Variants in ZNRF3 observed in about 807,000 individuals in gnomAD.
The protein encoded by ZNRF3 is zinc and ring finger 3, also known as E3 ubiquitin-protein ligase ZNRF3.
In ZNRF3, 23 loss-of-function variants were observed where a neutral mutation model predicts 72.5. The observed-to-expected ratio is 0.32, with a 90% CI of 0.23 to 0.45. The LOEUF is 0.45. Ranked by LOEUF, ZNRF3 falls within the 20% of genes least tolerant of loss-of-function variation. ZNRF3 has a pLI of 1.00. For synonymous variants in ZNRF3, 610 were observed against 545.3 expected (o/e 1.12, Z -1.65); for missense variants, 1,169 against 1,272.1 (o/e 0.92, Z 1.23).
intron 1 of ZNRF3, among the ~76,000 whole-genome samples, chr22:28,979,232 T>C (rs1601623813): frequency 6.6e-6 from 1 of 152,262 alleles, no homozygotes; most frequent in East Asian, 1.9e-4. Flanking sequence ...TGGGAGTCCC[T>C]GTGCTTGGAT....
At chr22:28,921,429 CCTTGCCT>C (rs1171717856) in intron 1 of ZNRF3, among the ~76,000 whole-genome samples, 1 of 152,200 alleles carries the variant, frequency 6.6e-6, no homozygotes, top group African/African-American at 2.4e-5. Context: ...CCACAGAGCC[CCTTGCCT>C]CTAGTCAAAG....
At chr22:29,052,821 TA>T (rs900019561) in intron 8 of ZNRF3, among the ~76,000 whole-genome samples, 180 of 149,734 alleles carry the variant, frequency 1.2e-3, no homozygotes, top group Non-Finnish European at 2.0e-3. Context: ...AAAAAAAATT[TA>T]AAAAAAAATT....
At chr22:28,993,066 G>T (rs574342050) in intron 2 of ZNRF3, 1 of 152,378 alleles carries the variant, frequency 6.6e-6, no homozygotes, top group South Asian at 2.1e-4. Flanking sequence ...AAAGAGTTTG[G>T]TCTTCATTCT....
chr22:29,043,378 T>C lies in ZNRF3; in HGVS notation c.581T>C (p.Ile194Thr). ...KGADAIKLMN[I>T]VNKQKVARAR... The stretch of plus-strand genomic sequence containing the variant: ...GCAGATGCCATTAAGCTGATGAACA[T>C]CGTCAACAAGCAGAAAGTGGCTCGA... The change falls in exon 4 of 9, where the codon ATC becomes ACC. Residue 194 changes from isoleucine to threonine, a missense_variant. Transcript: ENST00000544604. 1 of 1,613,832 alleles carries C rather than the reference T, an allele frequency of 6.2e-7. No individual in the cohort carries two copies. The highest frequency in any genetic ancestry group is 8.5e-7 in the Non-Finnish European group (1 of 1,179,984).
At chr22:29,020,271 T>C (rs1310815912) in intron 2 of ZNRF3, among the ~76,000 whole-genome samples, 3 of 146,772 alleles carry the variant, frequency 2.0e-5, no homozygotes, top group Non-Finnish European at 3.0e-5. Flanking sequence ...TTTTTTTTTT[T>C]TTCCCCCAAG....
At chr22:28,951,188 A>G (rs2123794939) in intron 1 of ZNRF3, among the ~76,000 whole-genome samples, 1 of 152,296 alleles carries the variant, frequency 6.6e-6, no homozygotes, top group Non-Finnish European at 1.5e-5. Context: ...TTTTTCAACC[A>G]CTAGTGGTTC....
intron 2 of ZNRF3, among the ~76,000 whole-genome samples, chr22:29,010,267 C>T (rs947685058): frequency 6.6e-6 from 1 of 152,086 alleles, no homozygotes; most frequent in Admixed American, 6.6e-5. Flanking sequence ...TTCTGCCTCC[C>T]CACAGCCCCT....
At chr22:28,913,329 C>CT (rs2034352171) in intron 1 of ZNRF3, among the ~76,000 whole-genome samples, 1 of 152,160 alleles carries the variant, frequency 6.6e-6, no homozygotes, top group Non-Finnish European at 1.5e-5. Flanking sequence ...GAAGAGCGGT[C>CT]TTTCACTTTA....
chr22:29,044,137 TACA>T (rs1216349016), intron 4 of ZNRF3, among the ~76,000 whole-genome samples: 3 of 152,218 alleles, frequency 2.0e-5, no homozygotes, highest in Non-Finnish European at 4.4e-5. Context: ...CATAGCCGGT[TACA>T]TGCAGCTTCC....
intron 2 of ZNRF3, among the ~76,000 whole-genome samples, chr22:29,020,906 C>T (rs2036527338): frequency 6.6e-6 from 1 of 151,656 alleles, no homozygotes. Context: ...ACGCCATTCT[C>T]CTGCCTCAGC....
intron 1 of ZNRF3, among the ~76,000 whole-genome samples, chr22:28,921,449 C>G (rs763715161): frequency 1.3e-5 from 2 of 152,214 alleles, no homozygotes; most frequent in Non-Finnish European, 2.9e-5. Flanking sequence ...AGTCAAAGGG[C>G]TCCTCCGAAT....
intron 1 of ZNRF3, among the ~76,000 whole-genome samples, chr22:28,900,664 A>G (rs132529): frequency 0.55 from 83,403 of 152,074 alleles, 26,006 homozygotes; most frequent in Non-Finnish European, 0.7. Context: ...TCATCACACA[A>G]AAAAAGTAAA....
chr22:28,925,040 A>G (rs1387368369), intron 1 of ZNRF3, among the ~76,000 whole-genome samples: 1 of 152,198 alleles, frequency 6.6e-6, no homozygotes, highest in Non-Finnish European at 1.5e-5. Flanking sequence ...TGCCTTTAGT[A>G]GTTGATCAGT....
At position 29,049,343 on chromosome 22, in the gene ZNRF3, G is replaced by A. The variant is rs754168841; in HGVS notation, c.1162G>A (p.Asp388Asn). The change falls in exon 8 of 9, where the codon GAC becomes AAC. Residue 388 changes from aspartate to asparagine, a missense_variant. Asp to Asn is a conservative substitution (Grantham distance 23, BLOSUM62 1). Around this residue, in one of 2 missense-constraint regions of ZNRF3, gnomAD observed 386 missense variants for 540.7 expected, o/e 0.71. Coordinates refer to ENST00000544604, the MANE Select transcript of ZNRF3 (RefSeq NM_001206998.2). This position sits in a 1 kb window ranked among gnomAD's most constrained non-coding sequence, Gnocchi z 5.2. Reference protein sequence around the residue: ...IPAYPTRTSMDSHGNPVTLLT... With the variant: ...IPAYPTRTSMNSHGNPVTLLT... Reference sequence around the variant, plus strand: ...AGCCTACCCTACGAGGACAAGCATGGACTCCCACGGCAACCCCGTCACCTT... The same window carrying A: ...AGCCTACCCTACGAGGACAAGCATGAACTCCCACGGCAACCCCGTCACCTT... 5.0e-6 allele frequency: 8 copies of A among 1,613,578 alleles called. No homozygotes were observed. In the Admixed American group the frequency reaches 1.2e-4, roughly 24 times the overall value.
intron 1 of ZNRF3, among the ~76,000 whole-genome samples, chr22:28,921,313 C>G (rs1195340042): frequency 1.3e-5 from 2 of 152,156 alleles, no homozygotes; most frequent in African/African-American, 4.8e-5. Context: ...ACAAACCTTT[C>G]AGAGCTTTTT....
At chr22:28,916,834 A>G (rs1031135296) in intron 1 of ZNRF3, among the ~76,000 whole-genome samples, 1 of 152,086 alleles carries the variant, frequency 6.6e-6, no homozygotes, top group African/African-American at 2.4e-5. Flanking sequence ...GATAGTTTTG[A>G]CAGGCTTTTT....
At chr22:28,937,529 A>G (rs1348256564) in intron 1 of ZNRF3, among the ~76,000 whole-genome samples, 1 of 152,142 alleles carries the variant, frequency 6.6e-6, no homozygotes, top group Non-Finnish European at 1.5e-5. Context: ...TTACAAAACC[A>G]GTTTCTGTGA....
chr22:28,905,711 C>T (rs527358161), intron 1 of ZNRF3, among the ~76,000 whole-genome samples: 2 of 152,308 alleles, frequency 1.3e-5, no homozygotes, highest in South Asian at 4.1e-4. Context: ...TCCATCATTG[C>T]TGGCTGTGCC....
At chr22:28,885,174 A>G (rs1362581816) in intron 1 of ZNRF3, among the ~76,000 whole-genome samples, 2 of 152,150 alleles carry the variant, frequency 1.3e-5, no homozygotes, top group African/African-American at 2.4e-5. Flanking sequence ...CGCAGCGTAG[A>G]CAGCCTGTTC....
Sources: gnomAD v4.1 joint callset for allele counts (sites outside exome capture counted in the v4.1 genomes callset) on GRCh38, gnomAD v4.1.1 for gene constraint, gnomAD v4.1.1 regional missense constraint, Gnocchi (gnomAD v3.1) non-coding constraint, MANE v1.5 for transcripts, NCBI Gene and HGNC (gene_info 2026-07-23, HGNC 2026-07-21) for gene names.